The following PARP6 variants were observed in gnomAD, a reference collection of about 807,000 sequenced individuals.
PARP6 encodes the protein protein mono-ADP-ribosyltransferase PARP6.
In PARP6, 27 loss-of-function variants were observed where a neutral mutation model predicts 92.0. The observed-to-expected ratio is 0.29, with a 90% CI of 0.22 to 0.40. The LOEUF is 0.40. Among genes scored for constraint, PARP6 ranks in the 10% least tolerant of loss-of-function variants. The pLI is 1.00. For synonymous variants in PARP6, 272 were observed against 281.2 expected, an observed-to-expected ratio of 0.97 and a Z score of 0.33; for missense variants, 501 against 784.5, an observed-to-expected ratio of 0.64 and a Z score of 4.32.
chr15:72,251,287 A>T (rs2084316849), intron 16 of PARP6, 32 bp from the exon 17 acceptor site: 1 of 1,413,752 alleles, frequency 7.1e-7, no homozygotes, highest in Non-Finnish European at 9.9e-7. Context: ...TAAAAAGGAT[A>T]GAATAATTAT....
At chr15:72,259,962 C>T (rs2085638390) in intron 10 of PARP6, among the ~76,000 whole-genome samples, 1 of 152,230 alleles carries the variant, frequency 6.6e-6, no homozygotes, top group Non-Finnish European at 1.5e-5. Context: ...CATCTCCAGA[C>T]TCTGTGCTTC....
At chr15:72,248,084 A>T (rs1293098502) in intron 20 of PARP6, among the ~76,000 whole-genome samples, 3 of 152,092 alleles carry the variant, frequency 2.0e-5, no homozygotes, top group African/African-American at 7.2e-5. Context: ...TTACCTTTTT[A>T]AATTCTGCTT....
chr15:72,254,654 A>C, intron 14 of PARP6, 134 bp from the exon 15 acceptor site: 1 of 652,480 alleles, frequency 1.5e-6, no homozygotes, highest in South Asian at 1.8e-5. Context: ...AAAGAGCATT[A>C]ATGTCAGACA....
Position 72,267,597 on chromosome 15 carries a change from G to C in PARP6, c.-120C>G. 1 of 1,063,184 alleles carries C rather than the reference G, an allele frequency of 9.4e-7. No individual in the cohort carries two copies. The highest frequency in any genetic ancestry group is 1.5e-6 in the Non-Finnish European group (1 of 686,070). 65.9% of individuals were successfully genotyped at this position (1,063,184 alleles called of 1,614,324 possible). On this transcript the variant is annotated 5_prime_UTR_variant, in exon 3 of 24. Transcript: ENST00000569795. ...AGACCACAAAGGGAGACAAGGTAGG[G>C]CACGATGTCAGGGACAACTGGTGAT...
chr15:72,253,572 CA>C, intron 15 of PARP6, 68 bp from the exon 16 acceptor site: 1 of 1,334,360 alleles, frequency 7.5e-7, no homozygotes, highest in Non-Finnish European at 1.1e-6. Flanking sequence ...CTGCTTTTCA[CA>C]GAGTGACTAT....
intron 2 of PARP6, among the ~76,000 whole-genome samples, chr15:72,268,781 T>A (rs2086957698): frequency 6.6e-6 from 1 of 152,204 alleles, no homozygotes; most frequent in East Asian, 1.9e-4. Flanking sequence ...TGCCCTAAAG[T>A]CATCTTGGAA....
Position 72,242,760 on chromosome 15 carries a change from C to A in PARP6, c.1562-61G>T. ...AAATTTACGAAAGTGCCTACTATGT[C>A]CCAGCACTGAGCTAGATGCTCATCA... On this transcript the variant is annotated intron_variant, in intron 20 of 23. Transcript: ENST00000569795. The surrounding 1 kb of genome is among the most constrained non-coding windows in gnomAD (Gnocchi z 4.3). 1.0e-6 allele frequency: 1 copy of A among 976,736 alleles called. No homozygotes were observed. Among genetic ancestry groups the A allele is most frequent in the Non-Finnish European group, 1.6e-6 (1 of 628,034 alleles). The allele number at this position is 976,736 out of a possible 1,614,324, so 60.5% of individuals were successfully genotyped here. A position where few individuals can be genotyped will look rare whatever the true frequency, so the allele number is the denominator to read the frequency against.
chr15:72,249,876 C>T (rs1461451915), intron 19 of PARP6, 144 bp downstream of exon 19: 1 of 630,630 alleles, frequency 1.6e-6, no homozygotes, highest in East Asian at 2.8e-5. Flanking sequence ...TCATACAGTT[C>T]TAACTTCCTC....
chr15:72,267,277 C>T, intron 3 of PARP6, 198 bp downstream of exon 3: 3 of 624,394 alleles, frequency 4.8e-6, no homozygotes, highest in East Asian at 5.5e-5. Context: ...TAACTCTCCT[C>T]TCCCTCCCCA....
rs772272098 is a variant in PARP6 at position 72,256,573 on chromosome 15, C to T, written c.1017G>A (p.Val339=). 4 of 1,568,288 alleles carry T rather than the reference C, an allele frequency of 2.6e-6. No individual in the cohort carries two copies. The highest frequency in any genetic ancestry group is 3.4e-6 in the Non-Finnish European group (4 of 1,160,560). Residue 339 remains valine, a synonymous_variant, in exon 14 of 24, where the codon GTG becomes GTA. Coordinates refer to ENST00000569795, the MANE Select transcript of PARP6 (RefSeq NM_001323532.2). ...ATGAEVVDLL[V]AMCRAALESP... ...ACTCTAAAGCTGCCCTACACATGGC[C>T]ACCAGCAGATCCACCACCTTAGGGG...
rs2086420582 is a variant in PARP6 at position 72,265,191 on chromosome 15, A to G, written c.238-20T>C. On this transcript the variant is annotated intron_variant, in intron 6 of 23. Transcript: ENST00000569795. ...TTCCTCCTAAAAGAAGAAGGGAAAT[A>G]GTTTCCAGTTTAGCAACATAGACGA... 1 of 1,555,988 alleles carries G rather than the reference A, an allele frequency of 6.4e-7. No individual in the cohort carries two copies. The highest frequency in any genetic ancestry group is 1.4e-5 in the African/African-American group (1 of 73,838).
Position 72,256,509 on chromosome 15 carries a change from C to T in PARP6, c.1081G>A (p.Val361Met). 6.2e-7 allele frequency: 1 copy of T among 1,600,340 alleles called. No homozygotes were observed. Among genetic ancestry groups the T allele is most frequent in the Non-Finnish European group, 8.5e-7 (1 of 1,174,302 alleles). ...GTCTTGGGATCAGTGGGGTCCACCA[C>T]AGAGGGATAAGGCTCAAAGATGATG... ...KSIIFEPYPSVVDPTDPKTLA... is the reference protein window; with the variant it reads ...KSIIFEPYPSMVDPTDPKTLA... Residue 361 changes from valine (V) to methionine (M), a missense_variant, in exon 14 of 24, where the codon GTG becomes ATG. Coordinates refer to ENST00000569795, the MANE Select transcript of PARP6 (RefSeq NM_001323532.2).
At chr15:72,267,790 C>A (rs187232032) in intron 2 of PARP6, 119 bp from the exon 3 acceptor site, 3 of 256,080 alleles carry the variant, frequency 1.2e-5, no homozygotes, top group East Asian at 1.6e-4. Context: ...TCGCTCTTGT[C>A]GCCCAGGCTG....
At chr15:72,263,777 T>C (rs546155116) in intron 8 of PARP6, among the ~76,000 whole-genome samples, 2 of 152,284 alleles carry the variant, frequency 1.3e-5, no homozygotes, top group African/African-American at 4.8e-5. Flanking sequence ...ATCTCAGCAC[T>C]TTGGGAGGCT....
At chr15:72,253,533 C>T in intron 15 of PARP6, 29 bp from the exon 16 acceptor site, 1 of 1,590,848 alleles carries the variant, frequency 6.3e-7, no homozygotes, top group Non-Finnish European at 8.6e-7. Flanking sequence ...AACGTTATCT[C>T]CTTGGAGAGG....
At chr15:72,259,541 G>A (rs186651328) in intron 11 of PARP6, 67 bp downstream of exon 11, 303 of 1,244,630 alleles carry the variant, frequency 2.4e-4, no homozygotes, top group Non-Finnish European at 3.1e-4. Context: ...GAGCTGGGAG[G>A]TGTTAGGAGA....
chr15:72,252,467 T>A (rs1288801113), intron 16 of PARP6, among the ~76,000 whole-genome samples: 1 of 152,138 alleles, frequency 6.6e-6, no homozygotes, highest in African/African-American at 2.4e-5. Flanking sequence ...TTTCAAAACA[T>A]CATGTTGTAC....
intron 7 of PARP6, 93 bp downstream of exon 7, chr15:72,264,987 AC>A: frequency 1.3e-6 from 1 of 796,406 alleles, no homozygotes; most frequent in Non-Finnish European, 2.2e-6. Flanking sequence ...GAGCCCAAGG[AC>A]CTTGTTCCTA....
At chr15:72,245,300 T>C (rs1202146282) in intron 20 of PARP6, 4 of 152,200 alleles carry the variant, frequency 2.6e-5, no homozygotes, top group African/African-American at 9.7e-5. Flanking sequence ...GAGGTAGAGC[T>C]TGCAGTGAGC....
Sources: allele counts gnomAD v4.1 joint callset (sites outside exome capture counted in the v4.1 genomes callset), GRCh38; gene constraint gnomAD v4.1.1; non-coding constraint Gnocchi (gnomAD v3.1); transcripts MANE v1.5; gene names NCBI Gene and HGNC (gene_info 2026-07-23, HGNC 2026-07-21).